ERVK3-1: variants seen among roughly 807,000 people sequenced by gnomAD.
ERVK3-1 encodes the protein HERV-K(HML6-1).
At chr19:58,307,822 G>T (rs2051534195) in intron 2 of ERVK3-1, among the ~76,000 whole-genome samples, 1 of 152,186 alleles carries the variant, frequency 6.6e-6, no homozygotes, top group Non-Finnish European at 1.5e-5. Flanking sequence ...TGCTACAGGG[G>T]TGGGTTCCTG....
At chr19:58,308,881 C>T (rs1297060963) in intron 2 of ERVK3-1, 1 of 152,194 alleles carries the variant, frequency 6.6e-6, no homozygotes, top group Non-Finnish European at 1.5e-5. Context: ...ACCCCCAAAA[C>T]GTCAGGAAAA....
At chr19:58,311,864 T>G (rs945852840) in intron 2 of ERVK3-1, 6 of 213,552 alleles carry the variant, frequency 2.8e-5, no homozygotes, top group African/African-American at 4.6e-5. Flanking sequence ...TTCCATACAA[T>G]CCCTGAGGGC....
intron 1 of ERVK3-1, among the ~76,000 whole-genome samples, chr19:58,305,714 C>G (rs1475903250): frequency 6.6e-6 from 1 of 152,148 alleles, no homozygotes; most frequent in Non-Finnish European, 1.5e-5. Flanking sequence ...ACTCATTATA[C>G]CACTGGAGGC....
In ERVK3-1 at chr19:58,313,904, A is replaced by G. The variant is rs2051573044; in HGVS notation, c.295-844A>G. ...TACTGTAATCTCCTTAGTCACACTA[A>G]TAACCTCGGTTGTAGTGTCCTCAGT... is the stretch of plus-strand genomic sequence containing the variant. On this transcript the variant is annotated intron_variant, in intron 3 of 3. Transcript: ENST00000413518. This position sits in a 1 kb window ranked among gnomAD's most constrained non-coding sequence, Gnocchi z 4.5. Among the ~76,000 whole-genome samples, 1 of 152,240 alleles carries G rather than the reference A, an allele frequency of 6.6e-6. No individual in the cohort carries two copies. Among genetic ancestry groups the G allele is most frequent in the Admixed American group, 6.5e-5 (1 of 15,286 alleles).
At chr19:58,307,618 C>CA (rs1173332722) in intron 2 of ERVK3-1, among the ~76,000 whole-genome samples, 2 of 150,084 alleles carry the variant, frequency 1.3e-5, no homozygotes, top group African/African-American at 5.1e-5. Context: ...CCCCCCCCTC[C>CA]CCGCCCCGCT....
intron 2 of ERVK3-1, chr19:58,309,526 A>G (rs1230361891): frequency 2.6e-5 from 4 of 152,250 alleles, no homozygotes; most frequent in Non-Finnish European, 5.9e-5. Context: ...AAACCCTCCA[A>G]GGAGATTCTT....
At chr19:58,314,989 G>A (rs2051582035) in exon 4 of ERVK3-1, 1 of 386,504 alleles carries the variant, frequency 2.6e-6, no homozygotes, top group East Asian at 3.7e-5. Flanking sequence ...GGGCAGTCAT[G>A]TCCCAGGTCC....
chr19:58,311,736 G>A (rs993453168), intron 2 of ERVK3-1: 3 of 153,552 alleles, frequency 2.0e-5, no homozygotes, highest in African/African-American at 7.2e-5. Context: ...GATACTGTCT[G>A]TCGTCATTTG....
chr19:58,314,626 CAAAAAAAA>C (rs58275693), intron 3 of ERVK3-1, 114 bp from the exon 4 acceptor site: 1,138 of 59,008 alleles, frequency 0.019, 15 homozygotes, highest in African/African-American at 0.063. Context: ...GACTCCATCT[CAAAAAAAA>C]AAAAAAAAAA....
At chr19:58,308,126 A>G (rs2051536066) in intron 2 of ERVK3-1, among the ~76,000 whole-genome samples, 1 of 152,210 alleles carries the variant, frequency 6.6e-6, no homozygotes, top group African/African-American at 2.4e-5. Context: ...TTGCTCAGCT[A>G]TTGCTTATTA....
chr19:58,307,889 C>T (rs2051534649), intron 2 of ERVK3-1, among the ~76,000 whole-genome samples: 1 of 152,152 alleles, frequency 6.6e-6, no homozygotes, highest in Non-Finnish European at 1.5e-5. Flanking sequence ...TTAGATCGCT[C>T]AGTCAGAGAA....
chr19:58,312,402 G>A lies in ERVK3-1; in HGVS notation c.234G>A (p.Gln78=), dbSNP rs2051562012. 2.5e-6 allele frequency: 1 copy of A among 400,092 alleles called. No homozygotes were observed. Among genetic ancestry groups the A allele is most frequent in the Admixed American group, 4.4e-5 (1 of 22,710 alleles). 24.8% of individuals were successfully genotyped at this position (400,092 alleles called of 1,614,324 possible). Residue 78 remains glutamine (Q), a synonymous_variant, in exon 3 of 4, where the codon CAG becomes CAA. Coordinates refer to ENST00000413518, the Ensembl canonical transcript of ERVK3-1. The surrounding 1 kb of genome is among the most constrained non-coding windows in gnomAD (Gnocchi z 4.7). The stretch of plus-strand genomic sequence containing the variant: ...AAGCTGAGAAACTACTGGAGCGCCA[G>A]GGTCAGGCAAAAACCCCTGACTCCA...
chr19:58,308,772 A>T (rs2051539694), intron 2 of ERVK3-1, among the ~76,000 whole-genome samples: 1 of 152,202 alleles, frequency 6.6e-6, no homozygotes. Flanking sequence ...CCCCTATCAC[A>T]GGAGAAAACT....
chr19:58,312,356 A>C lies in ERVK3-1; in HGVS notation c.188A>C (p.Gln63Pro). The C allele has an allele frequency of 2.5e-6, 1 of 400,208 alleles. No individual in the cohort carries two copies. The allele number at this position is 400,208 out of a possible 1,614,324, so 24.8% of individuals were successfully genotyped here. ...ACATCCAACCCCATAACATGGGGAC[A>C]GATCAAGAAAACGACACAAGAAGCT... The change falls in exon 3 of 4, where the codon CAG becomes CCG. Residue 63 changes from glutamine to proline, a missense_variant. Physicochemically the swap from Gln to Pro is moderately conservative, Grantham distance 76 (BLOSUM62 -1). Transcript: ENST00000413518. This position sits in a 1 kb window ranked among gnomAD's most constrained non-coding sequence, Gnocchi z 4.7.
intron 2 of ERVK3-1, chr19:58,309,309 C>T (rs1186762956): frequency 6.6e-6 from 1 of 152,178 alleles, no homozygotes; most frequent in Non-Finnish European, 1.5e-5. Flanking sequence ...TGGGCTTTAA[C>T]TAAATGGAAT....
rs1313775920 is a variant in ERVK3-1 at position 58,310,453 on chromosome 19, G to C, written c.-3-1713G>C. 2.5e-5 allele frequency: 4 copies of C among 158,686 alleles called. No individual in the cohort carries two copies. Among genetic ancestry groups the C allele is most frequent in the Non-Finnish European group, 4.1e-5 (3 of 72,508 alleles). The allele number at this position is 158,686 out of a possible 1,614,324, so 9.8% of individuals were successfully genotyped here. On this transcript the variant is annotated intron_variant, in intron 2 of 3. Transcript: ENST00000413518. This position sits in a 1 kb window ranked among gnomAD's most constrained non-coding sequence, Gnocchi z 4.7. ...TATTGGATACAAAGCAAAAGGGGCA[G>C]GGTAAAGAGTGTGAGTCATCTCCAA...
At position 58,312,608 on chromosome 19, in the gene ERVK3-1, A is replaced by C. The variant is rs1283987709; in HGVS notation, c.294+146A>C. ...GCACCAGGACCCCTAACTCCGTCTG[A>C]CACAGAGCAATAGCATCAATTACAC... On this transcript the variant is annotated intron_variant, in intron 3 of 3. Transcript: ENST00000413518. This position sits in a 1 kb window ranked among gnomAD's most constrained non-coding sequence, Gnocchi z 4.7. The C allele has an allele frequency of 2.5e-6, 1 of 398,278 alleles. No homozygotes were observed. Among genetic ancestry groups the C allele is most frequent in the African/African-American group, 2.1e-5 (1 of 48,734 alleles). The allele number at this position is 398,278 out of a possible 1,614,324, so 24.7% of individuals were successfully genotyped here. A position where few individuals can be genotyped will look rare whatever the true frequency, so the allele number is the denominator to read the frequency against.
intron 2 of ERVK3-1, chr19:58,306,543 C>G (rs2051525045): frequency 6.6e-6 from 1 of 152,172 alleles, no homozygotes; most frequent in Non-Finnish European, 1.5e-5. Context: ...TGCCATTGTC[C>G]TCTTCTTATT....
exon 4 of ERVK3-1, chr19:58,314,883 C>A: frequency 2.5e-6 from 1 of 397,958 alleles, no homozygotes; most frequent in African/African-American, 2.1e-5. Flanking sequence ...ACTCAGTATA[C>A]CACTGGAGGC....
Sources: gnomAD v4.1 joint callset for allele counts (sites outside exome capture counted in the v4.1 genomes callset) on GRCh38, gnomAD v4.1.1 for gene constraint, Gnocchi (gnomAD v3.1) non-coding constraint, MANE v1.5 for transcripts, NCBI Gene and HGNC (gene_info 2026-07-23, HGNC 2026-07-21) for gene names.